Variants in NRP1 observed in about 807,000 individuals in gnomAD.
The protein encoded by NRP1 is neuropilin 1.
NRP1 carries 35 observed loss-of-function variants against 106.7 expected under a neutral mutation model. The ratio of observed to expected loss-of-function variants is 0.33; its 90% CI spans 0.25 to 0.43. The LOEUF is 0.43. Ranked by LOEUF, NRP1 falls within the 20% of genes least tolerant of loss-of-function variation. NRP1 has a pLI of 1.00. For missense variants in NRP1, 1,024 were observed against 1,170.4 expected (o/e 0.87, Z 1.83); for synonymous variants, 437 against 417.9 (o/e 1.05, Z -0.56).
Position 33,213,524 on chromosome 10 carries a change from C to T in NRP1, c.1476G>A (p.Glu492=), listed in dbSNP as rs1564388145. ...GAATGATGATGCCCCTCACGATCTT[C>T]TCCTCCCCCAGGTCTATTTGGAGCC... ...NEWLQIDLGE[E]KIVRGIIIQG... is the part of the protein sequence containing the mutation. Residue 492 remains glutamate (E), a synonymous_variant, in exon 9 of 17, where the codon GAG becomes GAA. Coordinates refer to ENST00000374867, the MANE Select transcript of NRP1 (RefSeq NM_003873.7). The T allele has an allele frequency of 1.9e-6, 3 of 1,614,060 alleles. No individual in the cohort carries two copies. In the Admixed American group the frequency reaches 5.0e-5, roughly 27 times the overall value.
At chr10:33,206,947 G>A (rs1208056203) in intron 10 of NRP1, among the ~76,000 whole-genome samples, 3 of 152,172 alleles carry the variant, frequency 2.0e-5, no homozygotes, top group South Asian at 2.1e-4. Flanking sequence ...TTTCAGACAC[G>A]TTGTCTCATG....
chr10:33,327,925 A>G (rs898869210), intron 2 of NRP1, among the ~76,000 whole-genome samples: 12 of 152,172 alleles, frequency 7.9e-5, no homozygotes, highest in Non-Finnish European at 1.2e-4. Context: ...CAGCAGGAAG[A>G]TATTTTCCAT....
intron 2 of NRP1, among the ~76,000 whole-genome samples, chr10:33,307,940 C>A (rs1017313736): frequency 1.6e-4 from 24 of 151,984 alleles, no homozygotes; most frequent in Non-Finnish European, 3.2e-4. Context: ...GCACTATTAG[C>A]AATAGCAAAT....
intron 8 of NRP1, among the ~76,000 whole-genome samples, chr10:33,217,546 G>A (rs756778129): frequency 2.0e-5 from 3 of 152,114 alleles, no homozygotes; most frequent in South Asian, 2.1e-4. Context: ...AGGTCAGCCC[G>A]GTGCAGGTCA....
At chr10:33,216,320 G>A (rs1470551798) in intron 8 of NRP1, among the ~76,000 whole-genome samples, 2 of 151,820 alleles carry the variant, frequency 1.3e-5, no homozygotes, top group Non-Finnish European at 2.9e-5. Context: ...TGTATTTTTA[G>A]TAGAGAGGGG....
intron 8 of NRP1, among the ~76,000 whole-genome samples, chr10:33,219,966 T>G (rs554183088): frequency 6.6e-6 from 1 of 152,240 alleles, no homozygotes; most frequent in African/African-American, 2.4e-5. Context: ...GTCATCTAAC[T>G]GCTGATCAAA....
intron 1 of NRP1, among the ~76,000 whole-genome samples, chr10:33,332,764 G>C (rs913093757): frequency 6.6e-6 from 1 of 152,166 alleles, no homozygotes; most frequent in Non-Finnish European, 1.5e-5. Context: ...GAGTTACAGA[G>C]GCATTTTCTG....
intron 2 of NRP1, among the ~76,000 whole-genome samples, chr10:33,313,929 G>GT (rs920402353): frequency 6.6e-6 from 1 of 151,990 alleles, no homozygotes; most frequent in African/African-American, 2.4e-5. Flanking sequence ...AGTTTATTAC[G>GT]TAAGTTCCTT....
At chr10:33,185,506 T>C (rs1835944049) in intron 15 of NRP1, 122 bp downstream of exon 15, 2 of 686,338 alleles carry the variant, frequency 2.9e-6, no homozygotes, top group Non-Finnish European at 5.1e-6. Flanking sequence ...GCATTTCCTA[T>C]GATGTGCCGA....
rs116577971 is a variant in NRP1 at position 33,293,127 on chromosome 10, C to T, written c.249-22271G>A. Among the ~76,000 whole-genome samples the T allele has an allele frequency of 6.7e-3, 1,021 of 152,256 alleles. 8 individuals are homozygous for T. Among genetic ancestry groups the T allele is most frequent in the African/African-American group, 0.023 (967 of 41,550 alleles). ...TTGTTTCAGTTTGAGATCATGAATACTAAAATAATAAAATCTACTTTTATC... is the reference window on the plus strand; with the variant it reads ...TTGTTTCAGTTTGAGATCATGAATATTAAAATAATAAAATCTACTTTTATC... On this transcript the variant is annotated intron_variant, in intron 2 of 16. Coordinates refer to ENST00000374867, the MANE Select transcript of NRP1 (RefSeq NM_003873.7).
intron 11 of NRP1, among the ~76,000 whole-genome samples, chr10:33,199,847 C>T (rs1048884964): frequency 6.6e-6 from 1 of 152,148 alleles, no homozygotes; most frequent in Non-Finnish European, 1.5e-5. Context: ...TTATTTGGGA[C>T]AGGCCTATCT....
chr10:33,191,697 G>C (rs369233844), intron 13 of NRP1, among the ~76,000 whole-genome samples: 4 of 152,144 alleles, frequency 2.6e-5, no homozygotes, highest in African/African-American at 9.7e-5. Flanking sequence ...TATAAGATGA[G>C]GCTAGTTGCG....
At chr10:33,277,966 T>C (rs1033757451) in intron 2 of NRP1, among the ~76,000 whole-genome samples, 1 of 152,234 alleles carries the variant, frequency 6.6e-6, no homozygotes, top group Admixed American at 6.5e-5. Flanking sequence ...GGCTTATTTT[T>C]ACTTTTTGTG....
intron 6 of NRP1, among the ~76,000 whole-genome samples, chr10:33,247,313 G>T (rs1841495909): frequency 6.9e-6 from 1 of 145,230 alleles, no homozygotes. Flanking sequence ...GGTCTTAAAG[G>T]AAGTCCAGGC....
chr10:33,253,775 G>C lies in NRP1; in HGVS notation c.981+253C>G, dbSNP rs529792733. 2.3e-4 allele frequency among the ~76,000 whole-genome samples: 35 copies of C among 152,298 alleles called. No individual in the cohort carries two copies. In the South Asian group the frequency reaches 7.2e-3, roughly 32 times the overall value. ...GGAAGAGTAGTATATAAGTATCTGA[G>C]AAGATAAATGCGTTTTCAGGGATGT... On this transcript the variant is annotated intron_variant, in intron 6 of 16. Transcript: ENST00000374867.
At chr10:33,308,013 C>A (rs1432533936) in intron 2 of NRP1, among the ~76,000 whole-genome samples, 1 of 152,128 alleles carries the variant, frequency 6.6e-6, no homozygotes, top group Admixed American at 6.5e-5. Context: ...GGTGCATGTA[C>A]ACCACGGAAT....
chr10:33,260,370 A>G (rs1456662560), intron 4 of NRP1, among the ~76,000 whole-genome samples: 1 of 152,182 alleles, frequency 6.6e-6, no homozygotes, highest in East Asian at 1.9e-4. Context: ...TAATCTTTAG[A>G]AGATTAATTA....
At chr10:33,262,900 T>C (rs1228572950) in intron 4 of NRP1, among the ~76,000 whole-genome samples, 1 of 152,230 alleles carries the variant, frequency 6.6e-6, no homozygotes, top group Non-Finnish European at 1.5e-5. Flanking sequence ...CATTGTTTAT[T>C]GTTTCCTTCT....
intron 2 of NRP1, among the ~76,000 whole-genome samples, chr10:33,287,823 G>C (rs1464379133): frequency 6.6e-6 from 1 of 152,118 alleles, no homozygotes; most frequent in Non-Finnish European, 1.5e-5. Context: ...CAATAGCATG[G>C]GTGCTGTGGA....
Sources: allele counts gnomAD v4.1 joint callset (sites outside exome capture counted in the v4.1 genomes callset), GRCh38; gene constraint gnomAD v4.1.1; transcripts MANE v1.5; gene names NCBI Gene and HGNC (gene_info 2026-07-23, HGNC 2026-07-21).